Variants in MYO7B observed in about 807,000 individuals in gnomAD.
MYO7B encodes unconventional myosin-VIIb.
MYO7B carries 212 observed loss-of-function variants against 259.7 expected under a neutral mutation model. The ratio of observed to expected loss-of-function variants is 0.82; its 90% CI spans 0.73 to 0.91. The LOEUF is 0.91. Among genes scored for constraint, MYO7B ranks in the 40% least tolerant of loss-of-function variants. The pLI, the probability that MYO7B is intolerant of heterozygous loss-of-function variation, is 0.00. For missense variants in MYO7B, 2,732 were observed against 2,813.5 expected (o/e 0.97, Z 0.66); for synonymous variants, 1,197 against 1,166.4 (o/e 1.03, Z -0.54).
chr2:127,581,662 C>T (rs1573650129), intron 10 of MYO7B, among the ~76,000 whole-genome samples: 1 of 152,112 alleles, frequency 6.6e-6, no homozygotes, highest in East Asian at 1.9e-4. Context: ...CTGGGGGAGC[C>T]AGCCCCTTTC....
chr2:127,599,921 C>T (rs1322538689), intron 19 of MYO7B, among the ~76,000 whole-genome samples: 1 of 152,122 alleles, frequency 6.6e-6, no homozygotes, highest in Non-Finnish European at 1.5e-5. Context: ...GTTAATGTTT[C>T]ATTAAGGATT....
Position 127,612,466 on chromosome 2 carries a change from G to A in MYO7B, c.3271-10G>A. ...CATAGCTGTCCTGATGGCTGCCTTTGGGTTTCAAGGTGGCCAGCCAGCTGA... is the reference window on the plus strand; with the variant it reads ...CATAGCTGTCCTGATGGCTGCCTTTAGGTTTCAAGGTGGCCAGCCAGCTGA... On this transcript the variant is annotated splice_polypyrimidine_tract_variant and intron_variant, in intron 25 of 47. Transcript: ENST00000409816. The A allele has an allele frequency of 5.2e-6, 8 of 1,552,222 alleles. No homozygotes were observed. Among genetic ancestry groups the A allele is most frequent in the Non-Finnish European group, 7.0e-6 (8 of 1,147,346 alleles).
chr2:127,590,277 C>G lies in MYO7B; in HGVS notation c.1992+48C>G, dbSNP rs758843770. 1.2e-6 allele frequency: 2 copies of G among 1,610,760 alleles called. No homozygotes were observed. Among genetic ancestry groups the G allele is most frequent in the African/African-American group, 2.7e-5 (2 of 74,874 alleles). On this transcript the variant is annotated intron_variant, in intron 16 of 47. Coordinates refer to ENST00000409816, the MANE Select transcript of MYO7B (RefSeq NM_001393586.1). The surrounding 1 kb of genome is among the most constrained non-coding windows in gnomAD (Gnocchi z 4.6). ...CAGCAAAGGAGGGAGGAGGAGGAGG[C>G]TGATGGCCTCTAGGGTTGTGGTCAC... is the stretch of plus-strand genomic sequence containing the variant.
chr2:127,595,215 G>C (rs1247238160), intron 18 of MYO7B, among the ~76,000 whole-genome samples: 1 of 152,108 alleles, frequency 6.6e-6, no homozygotes, highest in Non-Finnish European at 1.5e-5. Flanking sequence ...ATGTGTCCAG[G>C]AATTCATCCA....
At chr2:127,630,739 G>T in intron 35 of MYO7B, 39 bp from the exon 36 acceptor site, 1 of 1,606,824 alleles carries the variant, frequency 6.2e-7, no homozygotes, top group South Asian at 1.1e-5. Context: ...CCTCATGGGC[G>T]GTGGCTCCTG....
Position 127,607,475 on chromosome 2 carries a change from T to C in MYO7B, c.2643+51T>C. The C allele has an allele frequency of 4.0e-6, 6 of 1,493,994 alleles. No homozygotes were observed. The highest frequency in any genetic ancestry group is 5.5e-6 in the Non-Finnish European group (6 of 1,099,916). The allele number at this position is 1,493,994 out of a possible 1,614,324, so 92.5% of individuals were successfully genotyped here. On this transcript the variant is annotated intron_variant, in intron 21 of 47. Transcript: ENST00000409816. The surrounding 1 kb of genome is among the most constrained non-coding windows in gnomAD (Gnocchi z 4.4). ...CAGGTGGGGCTGGCTGGGGCCCCAG[T>C]GGGTGAGGGCAAGAAGGAGTGAGCG... is the stretch of plus-strand genomic sequence containing the variant.
At chr2:127,633,585 A>G (rs1413130129) in intron 40 of MYO7B, among the ~76,000 whole-genome samples, 1 of 152,158 alleles carries the variant, frequency 6.6e-6, no homozygotes, top group Admixed American at 6.5e-5. Flanking sequence ...TGGGGGATCC[A>G]GGCCCAGGAC....
intron 42 of MYO7B, 164 bp downstream of exon 42, chr2:127,634,847 C>T (rs1681713150): frequency 1.4e-6 from 1 of 691,290 alleles, no homozygotes; most frequent in African/African-American, 1.8e-5. Flanking sequence ...AGGGCCAGCT[C>T]AGGCAGAAAC....
intron 26 of MYO7B, 103 bp downstream of exon 26, chr2:127,612,706 T>C: frequency 6.7e-7 from 1 of 1,484,360 alleles, no homozygotes; most frequent in South Asian, 1.3e-5. Context: ...TGACACCTCC[T>C]TGTCCTGCGG....
chr2:127,573,895 A>AGAGG, intron 6 of MYO7B, 25 bp from the exon 7 acceptor site: 2 of 1,613,860 alleles, frequency 1.2e-6, no homozygotes, highest in Non-Finnish European at 1.7e-6. Context: ...TGCTCCCATC[A>AGAGG]TGGGCATCGC....
Position 127,636,750 on chromosome 2 carries a change from C to T in MYO7B, c.6208-44C>T, listed in dbSNP as rs140797110. The T allele has an allele frequency of 1.7e-3, 2,661 of 1,612,430 alleles. 41 individuals are homozygous for T. In the African/African-American group the frequency reaches 0.032, roughly 19 times the overall value. On this transcript the variant is annotated intron_variant, in intron 46 of 47. Coordinates refer to ENST00000409816, the MANE Select transcript of MYO7B (RefSeq NM_001393586.1). The surrounding 1 kb of genome is among the most constrained non-coding windows in gnomAD (Gnocchi z 4.5). ...CCTGTCCCCTAACACACACAGAGCC[C>T]GTGCTCTGGAGGCGTCCGGCCCACC...
chr2:127,566,289 C>T (rs1348539182), intron 4 of MYO7B, among the ~76,000 whole-genome samples: 1 of 152,194 alleles, frequency 6.6e-6, no homozygotes, highest in African/African-American at 2.4e-5. Context: ...AGTTGTTGAC[C>T]AGCCTATATG....
At chr2:127,608,377 G>T (rs898248053) in intron 21 of MYO7B, among the ~76,000 whole-genome samples, 3 of 152,176 alleles carry the variant, frequency 2.0e-5, no homozygotes, top group Non-Finnish European at 2.9e-5. Flanking sequence ...GGACCAAGTG[G>T]TCCTGAGCAG....
rs144295028 is a variant in MYO7B, at chr2:127,628,545, TGGGTGGGGTGGGGTGGGGTG to T, written c.4624+24_4624+43del. Reference sequence around the variant, plus strand: ...GACAGGAAGGCCACAGGTGCCAGACTGGGTGGGGTGGGGTGGGGTGGGGTGGGGTGGGGGAGGGCCGCGCA... The same window carrying T: ...GACAGGAAGGCCACAGGTGCCAGACTGGGTGGGGTGGGGGAGGGCCGCGCA... On this transcript the variant is annotated intron_variant, in intron 34 of 47. Coordinates refer to ENST00000409816, the MANE Select transcript of MYO7B (RefSeq NM_001393586.1). The surrounding 1 kb of genome is among the most constrained non-coding windows in gnomAD (Gnocchi z 4.8). 257 of 299,804 alleles carry T rather than the reference TGGGTGGGGTGGGGTGGGGTG, an allele frequency of 8.6e-4. 6 individuals are homozygous for T. The highest frequency in any genetic ancestry group is 6.2e-3 in the African/African-American group (187 of 30,278). The allele number at this position is 299,804 out of a possible 1,614,324, so 18.6% of individuals were successfully genotyped here. A position where few individuals can be genotyped will look rare whatever the true frequency, so the allele number is the denominator to read the frequency against.
intron 1 of MYO7B, among the ~76,000 whole-genome samples, chr2:127,547,230 C>T (rs1005209416): frequency 3.3e-5 from 5 of 152,208 alleles, no homozygotes; most frequent in African/African-American, 1.2e-4. Context: ...TGAGCCCTGA[C>T]TAGTATGAGT....
rs1432730787 is a variant in MYO7B at position 127,589,224 on chromosome 2, T to C, written c.1854+669T>C. Among the ~76,000 whole-genome samples, 30 of 105,170 alleles carry C rather than the reference T, an allele frequency of 2.9e-4. 1 individual carries two copies. The highest frequency in any genetic ancestry group is 1.1e-3 in the African/African-American group (29 of 26,060). 69.0% of individuals were successfully genotyped at this position (105,170 alleles called of 152,430 possible). The stretch of plus-strand genomic sequence containing the variant: ...ATGGGTGGATGGGTGAGTGGGTGGA[T>C]GGATAGATGGACGGGCAGGTGGCTG... On this transcript the variant is annotated intron_variant, in intron 15 of 47. Coordinates refer to ENST00000409816, the MANE Select transcript of MYO7B (RefSeq NM_001393586.1).
chr2:127,606,613 G>A (rs954878292), intron 20 of MYO7B, among the ~76,000 whole-genome samples: 2 of 152,232 alleles, frequency 1.3e-5, no homozygotes, highest in Non-Finnish European at 2.9e-5. Context: ...AAGAGCATGA[G>A]ACTAGTAAAC....
intron 9 of MYO7B, among the ~76,000 whole-genome samples, chr2:127,579,346 T>C (rs13389537): frequency 8.7e-4 from 133 of 152,274 alleles, no homozygotes; most frequent in African/African-American, 3.1e-3. Context: ...GGGGTGTCCA[T>C]ATAGAAAACA....
intron 39 of MYO7B, 45 bp from the exon 40 acceptor site, chr2:127,633,213 G>C (rs1208282012): frequency 6.8e-7 from 1 of 1,466,782 alleles, no homozygotes. Context: ...CATGGGTGAG[G>C]ATGAGGGTGG....
Sources: allele counts gnomAD v4.1 joint callset (sites outside exome capture counted in the v4.1 genomes callset), GRCh38; gene constraint gnomAD v4.1.1; non-coding constraint Gnocchi (gnomAD v3.1); transcripts MANE v1.5; gene names NCBI Gene and HGNC (gene_info 2026-07-23, HGNC 2026-07-21).